The following C10orf105 variants were observed in gnomAD, a reference collection of about 807,000 sequenced individuals.
The protein encoded by C10orf105 is uncharacterized protein C10orf105.
Under a neutral mutation model 0.6 loss-of-function variants are expected in C10orf105, and 2 were observed. The observed-to-expected ratio is 3.18, with a 90% confidence interval of 1.30 to 10.01. The LOEUF is 10.01. Among genes scored for constraint, C10orf105 ranks in the 30% most tolerant of loss-of-function variants. The probability of loss-of-function intolerance (pLI) is 0.04; values close to 1 mark genes in which losing one functional copy is unlikely to be tolerated. For missense variants in C10orf105, 209 were observed against 191.4 expected (o/e 1.09, Z -0.54); for synonymous variants, 95 against 82.4 (o/e 1.15, Z -0.83).
At chr10:71,716,716 G>C (rs1041206620) in intron 1 of C10orf105, 1 of 194,282 alleles carries the variant, frequency 5.1e-6, no homozygotes, top group Admixed American at 6.0e-5. Context: ...GGCCAGGAAC[G>C]AGTTATGGAT....
At chr10:71,719,956 T>C (rs1866473305), upstream of C10orf105, 3 of 152,790 alleles carry the variant, frequency 2.0e-5, no homozygotes, top group South Asian at 6.2e-4. Flanking sequence ...CTCCAGCCTG[T>C]CTCCTTGGAG....
chr10:71,730,707 C>T, intron 1 of C10orf105: 1 of 1,502,740 alleles, frequency 6.7e-7, no homozygotes, highest in South Asian at 1.2e-5. Flanking sequence ...GCTTCAGGCT[C>T]CCCATTTAGC....
At position 71,734,177 on chromosome 10, in the gene C10orf105, A is replaced by G. The variant is rs200349493; in HGVS notation, c.-6+3551T>C. On this transcript the variant is annotated intron_variant, in intron 1 of 1. Coordinates refer to the C10orf105 transcript ENST00000398786. Reference sequence around the variant, plus strand: ...GTGACATGGAGGTGGAAAAGTGGGCAGAATGACCAGGGTTAACAAGGGTGC... The same window carrying G: ...GTGACATGGAGGTGGAAAAGTGGGCGGAATGACCAGGGTTAACAAGGGTGC... The G allele has an allele frequency of 1.6e-4, 220 of 1,368,782 alleles. 1 individual carries two copies. The highest frequency in any genetic ancestry group is 2.1e-4 in the Non-Finnish European group (203 of 977,996). The allele number at this position is 1,368,782 out of a possible 1,614,324, so 84.8% of individuals were successfully genotyped here.
rs1260015680 is a variant in C10orf105, at chr10:71,714,793, G to GGT, written c.*1141_*1142dup. On this transcript the variant is annotated 3_prime_UTR_variant, in exon 2 of 2. Coordinates refer to ENST00000441508, the MANE Select transcript of C10orf105 (RefSeq NM_001164375.3). The stretch of plus-strand genomic sequence containing the variant: ...GCACTGTGGGTCACAGCAGGATGGG[G>GGT]GTGGGGCAGCTTTGTGGTGGGATCC... 3 of 152,264 alleles carry GGT rather than the reference G, an allele frequency of 2.0e-5. No homozygotes were observed. The highest frequency in any genetic ancestry group is 7.2e-5 in the African/African-American group (3 of 41,448). 9.4% of individuals were successfully genotyped at this position (152,264 alleles called of 1,614,324 possible). A position where few individuals can be genotyped will look rare whatever the true frequency, so the allele number is the denominator to read the frequency against.
upstream of C10orf105, among the ~76,000 whole-genome samples, chr10:71,721,721 C>T (rs766921460): frequency 5.9e-5 from 9 of 152,220 alleles, no homozygotes; most frequent in African/African-American, 1.7e-4. Flanking sequence ...ACAGGCTCCT[C>T]GCTCTGCCTT....
At position 71,714,182 on chromosome 10, in the gene C10orf105, A is replaced by G. The variant is rs1001009449; in HGVS notation, c.*1754T>C. Reference sequence around the variant, plus strand: ...TCAGATTGACTTGGAAGGAAGGGACAGTGGGCTTCTCCAATAGAGCCTGCT... The same window carrying G: ...TCAGATTGACTTGGAAGGAAGGGACGGTGGGCTTCTCCAATAGAGCCTGCT... On this transcript the variant is annotated 3_prime_UTR_variant, in exon 2 of 2. Transcript: ENST00000441508. The G allele has an allele frequency of 6.6e-6, 1 of 152,148 alleles. No individual in the cohort carries two copies. Among genetic ancestry groups the G allele is most frequent in the Non-Finnish European group, 1.5e-5 (1 of 68,034 alleles). 9.4% of individuals were successfully genotyped at this position (152,148 alleles called of 1,614,324 possible).
intron 1 of C10orf105, chr10:71,734,633 C>T: frequency 4.0e-6 from 6 of 1,512,322 alleles, no homozygotes; most frequent in Non-Finnish European, 4.5e-6. Flanking sequence ...TCACTCCCCT[C>T]CTGCTGCTGC....
At chr10:71,734,709 G>T in intron 1 of C10orf105, 2 of 1,238,308 alleles carry the variant, frequency 1.6e-6, no homozygotes, top group African/African-American at 1.5e-5. Context: ...TGTGGCCAGT[G>T]CTGGCCGGGC....
intron 1 of C10orf105, among the ~76,000 whole-genome samples, chr10:71,726,552 G>T (rs1168621535): frequency 6.6e-6 from 1 of 152,214 alleles, no homozygotes; most frequent in African/African-American, 2.4e-5. Context: ...CCCTGAGTGA[G>T]ACCTGCCCTG....
At chr10:71,725,547 T>G in intron 1 of C10orf105, 1 of 1,606,020 alleles carries the variant, frequency 6.2e-7, no homozygotes, top group Non-Finnish European at 8.5e-7. Flanking sequence ...GCTGGGGTGC[T>G]GACCTCAGGA....
At position 71,715,072 on chromosome 10, in the gene C10orf105, T is replaced by A. The variant is rs1418167782; in HGVS notation, c.*864A>T. On this transcript the variant is annotated 3_prime_UTR_variant, in exon 2 of 2. Transcript: ENST00000441508. The stretch of plus-strand genomic sequence containing the variant: ...AGCTGTCCTGGAGAGGTCCAGACCA[T>A]CCCACCCTCGGGGAGGCTGCCGCTT... The A allele has an allele frequency of 6.6e-6, 1 of 152,188 alleles. No individual in the cohort carries two copies. Among genetic ancestry groups the A allele is most frequent in the Non-Finnish European group, 1.5e-5 (1 of 68,082 alleles). The allele number at this position is 152,188 out of a possible 1,614,324, so 9.4% of individuals were successfully genotyped here. A position where few individuals can be genotyped will look rare whatever the true frequency, so the allele number is the denominator to read the frequency against.
chr10:71,733,341 G>A (rs1043328072), intron 1 of C10orf105, among the ~76,000 whole-genome samples: 4 of 152,320 alleles, frequency 2.6e-5, no homozygotes, highest in South Asian at 2.1e-4. Context: ...GTTCAGGGAT[G>A]TCTATGGAGG....
intron 1 of C10orf105, among the ~76,000 whole-genome samples, chr10:71,728,802 C>G (rs1164418684): frequency 2.6e-5 from 4 of 152,184 alleles, no homozygotes; most frequent in Non-Finnish European, 5.9e-5. Flanking sequence ...CTCCTGGGCT[C>G]CAGCAATCCT....
rs1333235499 is a variant in C10orf105 at position 71,715,121 on chromosome 10, C to G, written c.*815G>C. 6.6e-6 allele frequency: 1 copy of G among 152,324 alleles called. No individual in the cohort carries two copies. The highest frequency in any genetic ancestry group is 1.5e-5 in the Non-Finnish European group (1 of 68,128). 9.4% of individuals were successfully genotyped at this position (152,324 alleles called of 1,614,324 possible). A position where few individuals can be genotyped will look rare whatever the true frequency, so the allele number is the denominator to read the frequency against. ...TTTCCCTGGGTGAGGTGTGGAGCTG[C>G]TGTGAGCTGTCCTCCTCCGAGTCCA... On this transcript the variant is annotated 3_prime_UTR_variant, in exon 2 of 2. Transcript: ENST00000441508.
intron 1 of C10orf105, chr10:71,725,625 C>A: frequency 1.5e-6 from 2 of 1,312,018 alleles, no homozygotes; most frequent in South Asian, 2.9e-5. Context: ...AGGGCCACCA[C>A]TGATTTAGGT....
upstream of C10orf105, among the ~76,000 whole-genome samples, chr10:71,722,500 C>T (rs1470369127): frequency 1.3e-5 from 2 of 152,210 alleles, no homozygotes; most frequent in African/African-American, 4.8e-5. Flanking sequence ...GCTCCTAAGT[C>T]GTTCACATAT....
chr10:71,732,080 A>T, intron 1 of C10orf105: 1 of 1,614,006 alleles, frequency 6.2e-7, no homozygotes, highest in African/African-American at 1.3e-5. Context: ...ACCGTGAATT[A>T]CCTGGACTAC....
At chr10:71,720,321 G>A (rs778094810), upstream of C10orf105, among the ~76,000 whole-genome samples, 1 of 152,218 alleles carries the variant, frequency 6.6e-6, no homozygotes, top group African/African-American at 2.4e-5. Context: ...AGGTCAGGGG[G>A]ATCCCAGGGC....
At chr10:71,720,181 C>A (rs1218188855), upstream of C10orf105, among the ~76,000 whole-genome samples, 3 of 152,218 alleles carry the variant, frequency 2.0e-5, no homozygotes, top group African/African-American at 7.2e-5. Context: ...TGGTCCCTGG[C>A]AGCCCCTGAG....
Sources: allele counts gnomAD v4.1 joint callset (sites outside exome capture counted in the v4.1 genomes callset), GRCh38; gene constraint gnomAD v4.1.1; transcripts MANE v1.5; gene names NCBI Gene and HGNC (gene_info 2026-07-23, HGNC 2026-07-21).